The following GALNT13 variants were observed in gnomAD, a reference collection of about 807,000 sequenced individuals.
GALNT13 encodes the protein polypeptide N-acetylgalactosaminyltransferase 13.
GALNT13 carries 28 observed loss-of-function variants against 64.2 expected under a neutral mutation model. The observed-to-expected ratio is 0.44, with a 90% CI of 0.32 to 0.60. The LOEUF is 0.60. Ranked by LOEUF, GALNT13 falls within the 20% of genes least tolerant of loss-of-function variation. The pLI is 0.05. For missense variants in GALNT13, 577 were observed against 669.8 expected (o/e 0.86, Z 1.53); for synonymous variants, 214 against 224.6 (o/e 0.95, Z 0.42).
chr2:153,931,857 A>C (rs1459964710), intron 2 of GALNT13, among the ~76,000 whole-genome samples: 2 of 152,138 alleles, frequency 1.3e-5, no homozygotes, highest in Non-Finnish European at 2.9e-5. Flanking sequence ...TTTTGGTATG[A>C]TAATGATACT....
Position 154,259,222 on chromosome 2 carries a change from A to G in GALNT13, c.975+84A>G, listed in dbSNP as rs1265543478. 6.4e-6 allele frequency: 5 copies of G among 781,586 alleles called. 1 individual carries two copies. Among genetic ancestry groups the G allele is most frequent in the Admixed American group, 5.1e-5 (2 of 39,478 alleles). 48.4% of individuals were successfully genotyped at this position (781,586 alleles called of 1,614,324 possible). A position where few individuals can be genotyped will look rare whatever the true frequency, so the allele number is the denominator to read the frequency against. ...ACCAGTCCCAGTAATTTACTGTCAA[A>G]TCATTTTTGCTGAGTGATGCAAATT... On this transcript the variant is annotated intron_variant, in intron 8 of 12. Transcript: ENST00000392825.
At chr2:153,147,328 G>A in the GALNT13 span, among the ~76,000 whole-genome samples, 21 of 149,494 alleles carry the variant, frequency 1.4e-4, no homozygotes, top group Non-Finnish European at 2.2e-4. Flanking sequence ...AGGGGCAGCC[G>A]GGACAAAAAT....
At chr2:153,407,052 A>T in the GALNT13 span, among the ~76,000 whole-genome samples, 8 of 152,136 alleles carry the variant, frequency 5.3e-5, no homozygotes, top group Non-Finnish European at 1.2e-4. Context: ...TATAAAGATT[A>T]TTCCAAAAGC....
At chr2:153,532,857 T>C in the GALNT13 span, among the ~76,000 whole-genome samples, 3 of 152,184 alleles carry the variant, frequency 2.0e-5, no homozygotes, top group Non-Finnish European at 4.4e-5. Flanking sequence ...AAAGTTACCT[T>C]TGCTCCAGTT....
the GALNT13 span, among the ~76,000 whole-genome samples, chr2:153,303,685 C>G: frequency 1.4e-4 from 21 of 152,016 alleles, no homozygotes; most frequent in African/African-American, 5.1e-4. Flanking sequence ...TAGCTGTGGG[C>G]TTGTCATATA....
At chr2:154,261,332 T>C (rs555651777) in intron 8 of GALNT13, among the ~76,000 whole-genome samples, 18 of 152,210 alleles carry the variant, frequency 1.2e-4, no homozygotes, top group Non-Finnish European at 1.5e-4. Flanking sequence ...TTATTATCTT[T>C]AGTTTCCATA....
At chr2:154,233,109 T>G (rs941746784) in intron 4 of GALNT13, among the ~76,000 whole-genome samples, 1 of 149,798 alleles carries the variant, frequency 6.7e-6, no homozygotes, top group Non-Finnish European at 1.5e-5. Flanking sequence ...ATTGTAAGGA[T>G]TATCTTTTCT....
chr2:154,060,977 GATC>G (rs1219178370), intron 3 of GALNT13, among the ~76,000 whole-genome samples: 11 of 151,912 alleles, frequency 7.2e-5, no homozygotes, highest in African/African-American at 2.7e-4. Flanking sequence ...TTTACATCAA[GATC>G]AACAAATATA....
the GALNT13 span, among the ~76,000 whole-genome samples, chr2:153,578,702 T>C: frequency 6.6e-6 from 1 of 152,224 alleles, no homozygotes; most frequent in South Asian, 2.1e-4. Context: ...GCCTGTAGAA[T>C]TGCAGAGTTC....
At chr2:153,972,616 A>G (rs1167901155) in intron 3 of GALNT13, among the ~76,000 whole-genome samples, 1 of 152,028 alleles carries the variant, frequency 6.6e-6, no homozygotes, top group African/African-American at 2.4e-5. Context: ...TGAATTGGGG[A>G]TGATGTCATA....
chr2:154,261,375 T>G (rs1690686238), intron 8 of GALNT13, among the ~76,000 whole-genome samples: 1 of 152,190 alleles, frequency 6.6e-6, no homozygotes, highest in Non-Finnish European at 1.5e-5. Context: ...TGTATTTTGC[T>G]TTTTATTAGA....
At chr2:153,689,780 A>G in the GALNT13 span, among the ~76,000 whole-genome samples, 8 of 151,994 alleles carry the variant, frequency 5.3e-5, no homozygotes, top group Middle Eastern at 3.2e-3. Flanking sequence ...GATTTCTGCC[A>G]GTTTTTCCAC....
intron 3 of GALNT13, among the ~76,000 whole-genome samples, chr2:154,015,312 T>A (rs1191579454): frequency 6.6e-6 from 1 of 152,238 alleles, no homozygotes; most frequent in Non-Finnish European, 1.5e-5. Flanking sequence ...TGTTAAAAAT[T>A]TAACAATAAA....
At chr2:153,485,378 C>A in the GALNT13 span, among the ~76,000 whole-genome samples, 1 of 152,126 alleles carries the variant, frequency 6.6e-6, no homozygotes, top group Non-Finnish European at 1.5e-5. Context: ...AAAGTTCACT[C>A]TCATCCAGAA....
At chr2:154,309,540 G>A (rs1471498055) in intron 9 of GALNT13, among the ~76,000 whole-genome samples, 5 of 152,096 alleles carry the variant, frequency 3.3e-5, no homozygotes, top group Non-Finnish European at 7.3e-5. Flanking sequence ...AGGGGAAATG[G>A]GTATGTGCAA....
chr2:153,624,444 A>G, the GALNT13 span, among the ~76,000 whole-genome samples: 12 of 152,224 alleles, frequency 7.9e-5, no homozygotes, highest in African/African-American at 2.9e-4. Flanking sequence ...CATATGTCAC[A>G]TCCAAACAGA....
intron 4 of GALNT13, among the ~76,000 whole-genome samples, chr2:154,229,727 C>G (rs1454227639): frequency 6.6e-6 from 1 of 151,976 alleles, no homozygotes; most frequent in Non-Finnish European, 1.5e-5. Flanking sequence ...AGGCATTCTA[C>G]AGCTAGAAAG....
At chr2:153,106,820 T>G in the GALNT13 span, among the ~76,000 whole-genome samples, 1 of 152,166 alleles carries the variant, frequency 6.6e-6, no homozygotes, top group South Asian at 2.1e-4. Context: ...AAAACTCTTT[T>G]GTTATAAGCT....
the GALNT13 span, chr2:153,357,269 T>C: frequency 1.3e-5 from 2 of 152,328 alleles, no homozygotes; most frequent in East Asian, 3.9e-4. Context: ...TGGGAACACA[T>C]TTAATGAAAA....
Sources: allele counts gnomAD v4.1 joint callset (sites outside exome capture counted in the v4.1 genomes callset), GRCh38; gene constraint gnomAD v4.1.1; transcripts MANE v1.5; gene names NCBI Gene and HGNC (gene_info 2026-07-23, HGNC 2026-07-21).